The following SUPT3H variants were observed in gnomAD, a reference collection of about 807,000 sequenced individuals.
SUPT3H encodes transcription initiation protein SPT3 homolog.
In SUPT3H, 44 loss-of-function variants were observed where a neutral mutation model predicts 44.3. That is an observed-to-expected ratio of 0.99 (90% CI 0.78 to 1.28). SUPT3H has a LOEUF of 1.28. SUPT3H is among the 50% of genes most tolerant of loss of function. SUPT3H has a pLI of 0.00. For missense variants in SUPT3H, 380 were observed against 387.1 expected, an observed-to-expected ratio of 0.98 and a Z score of 0.15; for synonymous variants, 124 against 125.6, an observed-to-expected ratio of 0.99 and a Z score of 0.09.
intron 3 of SUPT3H, among the ~76,000 whole-genome samples, chr6:45,094,144 G>C (rs1797491207): frequency 6.6e-6 from 1 of 152,004 alleles, no homozygotes; most frequent in Admixed American, 6.6e-5. Context: ...TAAAACACTT[G>C]GAACCTAAGC....
intron 2 of SUPT3H, among the ~76,000 whole-genome samples, chr6:45,245,851 C>G (rs894138245): frequency 6.6e-6 from 1 of 152,002 alleles, no homozygotes; most frequent in Non-Finnish European, 1.5e-5. Flanking sequence ...TTTTGAAGAA[C>G]CACTATACCA....
At chr6:45,266,418 TC>T (rs1775277983) in intron 2 of SUPT3H, among the ~76,000 whole-genome samples, 1 of 151,826 alleles carries the variant, frequency 6.6e-6, no homozygotes, top group Non-Finnish European at 1.5e-5. Context: ...GAAATAAAAA[TC>T]ATATACCATG....
At chr6:45,188,845 T>C (rs1234410758) in intron 2 of SUPT3H, among the ~76,000 whole-genome samples, 1 of 152,200 alleles carries the variant, frequency 6.6e-6, no homozygotes, top group Non-Finnish European at 1.5e-5. Context: ...TTATAGGTAG[T>C]TTGAGTTCAC....
At chr6:45,097,797 T>G (rs921963826) in intron 3 of SUPT3H, 5 of 152,246 alleles carry the variant, frequency 3.3e-5, no homozygotes, top group African/African-American at 1.2e-4. Flanking sequence ...AAGTCTGCCC[T>G]TGTATCTTCT....
intron 2 of SUPT3H, among the ~76,000 whole-genome samples, chr6:45,314,220 T>C (rs1040799534): frequency 1.3e-5 from 2 of 152,134 alleles, no homozygotes; most frequent in African/African-American, 4.8e-5. Context: ...GTATTCCCCC[T>C]GAGAATGGGA....
At chr6:45,180,748 C>A (rs1813005139) in intron 2 of SUPT3H, among the ~76,000 whole-genome samples, 2 of 152,010 alleles carry the variant, frequency 1.3e-5, no homozygotes, top group South Asian at 2.1e-4. Context: ...AATGTTAGAC[C>A]TAAAACCATA....
chr6:44,856,054 T>C (rs527911731), intron 10 of SUPT3H, among the ~76,000 whole-genome samples: 32 of 152,300 alleles, frequency 2.1e-4, no homozygotes, highest in African/African-American at 3.4e-4. Flanking sequence ...GCTGCCCAAA[T>C]GGTTCCAAAT....
chr6:45,181,533 G>A (rs1455325147), intron 2 of SUPT3H, among the ~76,000 whole-genome samples: 1 of 151,784 alleles, frequency 6.6e-6, no homozygotes, highest in African/African-American at 2.4e-5. Context: ...ATACTATGCA[G>A]CCATAAAAAA....
chr6:45,084,441 G>A lies in SUPT3H; in HGVS notation c.186+21481C>T, dbSNP rs1354236687. ...AGATACAAATCAAAACCACAATGAG[G>A]TACCATCTCATACCAATCAAAATAA... On this transcript the variant is annotated intron_variant, in intron 3 of 10. Transcript: ENST00000371459. 4.6e-5 allele frequency among the ~76,000 whole-genome samples: 7 copies of A among 152,028 alleles called. No homozygotes were observed. In the South Asian group the frequency reaches 1.2e-3, roughly 27 times the overall value.
intron 3 of SUPT3H, among the ~76,000 whole-genome samples, chr6:45,023,320 C>T (rs1005114089): frequency 6.6e-6 from 1 of 151,050 alleles, no homozygotes; most frequent in African/African-American, 2.4e-5. Flanking sequence ...AACACTTATA[C>T]ACTGTTAATG....
intron 11 of SUPT3H, among the ~76,000 whole-genome samples, chr6:44,819,605 A>T (rs1241718326): frequency 6.6e-6 from 1 of 151,798 alleles, no homozygotes; most frequent in East Asian, 1.9e-4. Flanking sequence ...AAGCCTGAGC[A>T]ACATAGTGAG....
intron 2 of SUPT3H, among the ~76,000 whole-genome samples, chr6:45,176,404 C>T (rs1293893115): frequency 4.8e-4 from 73 of 151,606 alleles, no homozygotes; most frequent in African/African-American, 1.7e-3. Context: ...TTATATCTCA[C>T]ACCTGGCTCG....
intron 9 of SUPT3H, among the ~76,000 whole-genome samples, chr6:44,951,808 C>T (rs1203029695): frequency 2.0e-5 from 3 of 152,132 alleles, no homozygotes; most frequent in Admixed American, 6.6e-5. Flanking sequence ...AAACTAGGCC[C>T]GTTGTGTTCA....
At chr6:45,239,853 C>CTA (rs1018896856) in intron 2 of SUPT3H, among the ~76,000 whole-genome samples, 1 of 152,128 alleles carries the variant, frequency 6.6e-6, no homozygotes, top group African/African-American at 2.4e-5. Flanking sequence ...ACAACAATTG[C>CTA]AAAAGCACAA....
At chr6:45,354,070 C>T (rs1177366908) in intron 2 of SUPT3H, among the ~76,000 whole-genome samples, 1 of 152,038 alleles carries the variant, frequency 6.6e-6, no homozygotes, top group Non-Finnish European at 1.5e-5. Context: ...GGGAGGTGCT[C>T]TCATAACTTG....
chr6:45,147,519 T>C (rs547119770), intron 2 of SUPT3H, among the ~76,000 whole-genome samples: 19 of 152,198 alleles, frequency 1.2e-4, no homozygotes, highest in South Asian at 4.1e-4. Context: ...AAAATATTAT[T>C]ATACAGTGTA....
At chr6:45,031,724 A>G (rs779654432) in intron 3 of SUPT3H, among the ~76,000 whole-genome samples, 2 of 152,158 alleles carry the variant, frequency 1.3e-5, no homozygotes, top group Non-Finnish European at 2.9e-5. Flanking sequence ...ACTTACATCA[A>G]TAAGAGAAAA....
chr6:45,318,621 C>A (rs1478837968), intron 2 of SUPT3H, among the ~76,000 whole-genome samples: 1 of 152,068 alleles, frequency 6.6e-6, no homozygotes, highest in Non-Finnish European at 1.5e-5. Context: ...GATATTATCA[C>A]TAATCAACTT....
At chr6:45,173,964 G>T (rs1459168505) in intron 2 of SUPT3H, among the ~76,000 whole-genome samples, 1 of 152,160 alleles carries the variant, frequency 6.6e-6, no homozygotes, top group Non-Finnish European at 1.5e-5. Context: ...TGCCCCTGCT[G>T]CCCAAAGAGT....
Sources: gnomAD v4.1 joint callset for allele counts (sites outside exome capture counted in the v4.1 genomes callset) on GRCh38, gnomAD v4.1.1 for gene constraint, MANE v1.5 for transcripts, NCBI Gene and HGNC (gene_info 2026-07-23, HGNC 2026-07-21) for gene names.